Variants in CLEC4D observed in about 807,000 individuals in gnomAD.
The protein encoded by CLEC4D is C-type lectin domain family 4 member D, also known as C-type (calcium dependent, carbohydrate-recognition domain) lectin, superfamily member 8.
A neutral mutation model predicts 21.1 loss-of-function variants in CLEC4D; 21 were observed. The observed-to-expected ratio is 1.00, with a 90% CI of 0.71 to 1.43. The LOEUF is 1.43. Ranked by LOEUF, CLEC4D falls within the 40% of genes most tolerant of loss-of-function variation. The probability of loss-of-function intolerance (pLI) is 0.00; values close to 1 mark genes in which losing one functional copy is unlikely to be tolerated. For missense variants in CLEC4D, 289 were observed against 260.7 expected (o/e 1.11, Z -0.75); for synonymous variants, 85 against 83.1 (o/e 1.02, Z -0.12).
chr12:8,516,261 A>G (rs186676741), intron 2 of CLEC4D, among the ~76,000 whole-genome samples: 2 of 152,318 alleles, frequency 1.3e-5, no homozygotes, highest in East Asian at 3.9e-4. Context: ...AACATTGACA[A>G]ATTATACTAC....
chr12:8,520,399 A>G, intron 5 of CLEC4D, 58 bp downstream of exon 5: 1 of 1,575,400 alleles, frequency 6.3e-7, no homozygotes, highest in Non-Finnish European at 8.7e-7. Flanking sequence ...GATGGTAGCA[A>G]GAAACATTCA....
chr12:8,518,100 C>A, intron 2 of CLEC4D, 64 bp from the exon 3 acceptor site: 1 of 706,364 alleles, frequency 1.4e-6, no homozygotes, highest in Admixed American at 2.5e-5. Flanking sequence ...GGAAGGTCAG[C>A]CCCTATTTCC....
chr12:8,516,202 G>A (rs2136384658), intron 2 of CLEC4D, among the ~76,000 whole-genome samples: 1 of 152,220 alleles, frequency 6.6e-6, no homozygotes, highest in East Asian at 1.9e-4. Context: ...TCATGACCTG[G>A]AGGTAGAGAA....
rs2136388722 is a variant in CLEC4D at position 8,521,114 on chromosome 12, G to T, written c.501-10G>T. On this transcript the variant is annotated splice_polypyrimidine_tract_variant and intron_variant, in intron 5 of 5. Coordinates refer to ENST00000299665, the MANE Select transcript of CLEC4D (RefSeq NM_080387.5). ...CCTATAAATCTCTATCTATGTTGTT[G>T]TTCTTTCAGATTCTGGCATAAGAAT... The T allele has an allele frequency of 1.2e-6, 2 of 1,611,180 alleles. No individual in the cohort carries two copies. Among genetic ancestry groups the T allele is most frequent in the East Asian group, 2.2e-5 (1 of 44,802 alleles).
At chr12:8,530,990 G>A in the CLEC4D span, among the ~76,000 whole-genome samples, 5 of 152,182 alleles carry the variant, frequency 3.3e-5, no homozygotes, top group Non-Finnish European at 5.9e-5. Context: ...TGACCTGTGT[G>A]GACATCCACC....
downstream of CLEC4D, among the ~76,000 whole-genome samples, chr12:8,526,928 TC>T (rs2136392100): frequency 6.6e-6 from 1 of 152,332 alleles, no homozygotes; most frequent in South Asian, 2.1e-4. Context: ...TGGTTTTTTT[TC>T]TTTCAATGGT....
At position 8,520,235 on chromosome 12, in the gene CLEC4D, A is replaced by T. The variant is rs1397355115; in HGVS notation, c.394A>T (p.Ile132Phe). The change falls in exon 5 of 6, where the codon ATT becomes TTT. Residue 132 changes from isoleucine (I) to phenylalanine (F), a missense_variant. Transcript: ENST00000299665. ...ISTEAEQNFI[I>F]QFLDRRLSYF... ...TTACATTTTTATGCAGAACTTTATTATTCAGTTTCTGGATAGACGGCTTTC... is the reference window on the plus strand; with the variant it reads ...TTACATTTTTATGCAGAACTTTATTTTTCAGTTTCTGGATAGACGGCTTTC... 1.2e-6 allele frequency: 2 copies of T among 1,613,788 alleles called. No homozygotes were observed. Among genetic ancestry groups the T allele is most frequent in the South Asian group, 2.2e-5 (2 of 91,072 alleles).
Position 8,518,212 on chromosome 12 carries a change from A to T in CLEC4D, c.170A>T (p.Lys57Met). 2 of 1,452,844 alleles carry T rather than the reference A, an allele frequency of 1.4e-6. No homozygotes were observed. Among genetic ancestry groups the T allele is most frequent in the South Asian group, 1.1e-5 (1 of 87,570 alleles). The allele number at this position is 1,452,844 out of a possible 1,614,324, so 90.0% of individuals were successfully genotyped here. A position where few individuals can be genotyped will look rare whatever the true frequency, so the allele number is the denominator to read the frequency against. Residue 57 changes from lysine to methionine, a missense_variant, in exon 3 of 6, where the codon AAG becomes ATG. Lys to Met is a moderately conservative substitution (Grantham distance 95). Transcript: ENST00000299665. ...SRCKRGTGVH[K>M]LEHHAKLKCI... ...TGTAAGAGAGGCACAGGAGTGCACA[A>T]GTTAGAGCACCATGCAAAGCTCAAA...
intron 2 of CLEC4D, among the ~76,000 whole-genome samples, 200 bp downstream of exon 2, chr12:8,515,528 T>C (rs1445855936): frequency 6.6e-6 from 1 of 152,176 alleles, no homozygotes; most frequent in Admixed American, 6.5e-5. Context: ...TAGAGATTGA[T>C]TGATGGAATT....
At chr12:8,519,558 A>T (rs78798535) in intron 4 of CLEC4D, among the ~76,000 whole-genome samples, 2,105 of 152,238 alleles carry the variant, frequency 0.014, 50 homozygotes, top group African/African-American at 0.047. Context: ...TTGCGCTTCC[A>T]ATGTCCCGTG....
At chr12:8,518,413 A>G in intron 3 of CLEC4D, 139 bp downstream of exon 3, 2 of 557,690 alleles carry the variant, frequency 3.6e-6, no homozygotes, top group Non-Finnish European at 3.3e-6. Flanking sequence ...AAATAAGAAT[A>G]CCTTAAGATA....
chr12:8,519,970 T>C (rs2136387791), intron 4 of CLEC4D, among the ~76,000 whole-genome samples: 1 of 152,344 alleles, frequency 6.6e-6, no homozygotes, highest in African/African-American at 2.4e-5. Flanking sequence ...CTAAAAGGGT[T>C]GCAAGTCTGA....
intron 2 of CLEC4D, among the ~76,000 whole-genome samples, chr12:8,517,574 C>T (rs1449891118): frequency 1.3e-5 from 2 of 151,860 alleles, no homozygotes; most frequent in Non-Finnish European, 2.9e-5. Flanking sequence ...CACCAAAAAC[C>T]CCTATTCTAA....
At position 8,522,068 on chromosome 12, in the gene CLEC4D, G is replaced by T. The variant is rs1940465732; in HGVS notation, c.*797G>T. 1 of 152,098 alleles carries T rather than the reference G, an allele frequency of 6.6e-6. No homozygotes were observed. The highest frequency in any genetic ancestry group is 2.1e-4 in the South Asian group (1 of 4,838). The allele number at this position is 152,098 out of a possible 1,614,324, so 9.4% of individuals were successfully genotyped here. ...AACATACATTCCCTTTGGTATCACA[G>T]GAAGTTACTGGGGATTACTCGACCT... is the stretch of plus-strand genomic sequence containing the variant. On this transcript the variant is annotated 3_prime_UTR_variant, in exon 6 of 6. Transcript: ENST00000299665.
Position 8,513,694 on chromosome 12 carries a change from C to T in CLEC4D, c.-39C>T, listed in dbSNP as rs74368762. ...TGGGGGAAAAAAAATAGAACAAATTCTTGCCGTCCTGACCATTGAACAAGA... is the reference window on the plus strand; with the variant it reads ...TGGGGGAAAAAAAATAGAACAAATTTTTGCCGTCCTGACCATTGAACAAGA... On this transcript the variant is annotated 5_prime_UTR_variant, in exon 1 of 6. Coordinates refer to ENST00000299665, the MANE Select transcript of CLEC4D (RefSeq NM_080387.5). 2,972 of 943,616 alleles carry T rather than the reference C, an allele frequency of 3.1e-3. 53 individuals carry two copies. In the African/African-American group the frequency reaches 0.04, roughly 13 times the overall value. The allele number at this position is 943,616 out of a possible 1,614,324, so 58.5% of individuals were successfully genotyped here. A position where few individuals can be genotyped will look rare whatever the true frequency, so the allele number is the denominator to read the frequency against.
chr12:8,515,789 T>C (rs79325368), intron 2 of CLEC4D, among the ~76,000 whole-genome samples: 2 of 152,284 alleles, frequency 1.3e-5, no homozygotes, highest in East Asian at 3.9e-4. Flanking sequence ...AACCTGTACA[T>C]ATTTAATGTA....
chr12:8,515,396 C>A lies in CLEC4D; in HGVS notation c.121+68C>A. 4 of 845,528 alleles carry A rather than the reference C, an allele frequency of 4.7e-6. No homozygotes were observed. The South Asian group carries it at 5.4e-5, about 11-fold the overall frequency. 52.4% of individuals were successfully genotyped at this position (845,528 alleles called of 1,614,324 possible). ...TCCAAACAACTTTTCTGAAGTTGCT[C>A]TAAGCCTTTTGGTATCTTGATTTTT... On this transcript the variant is annotated intron_variant, in intron 2 of 5. Coordinates refer to ENST00000299665, the MANE Select transcript of CLEC4D (RefSeq NM_080387.5).
chr12:8,520,195 C>A, intron 4 of CLEC4D, 31 bp from the exon 5 acceptor site: 1 of 1,608,500 alleles, frequency 6.2e-7, no homozygotes, highest in South Asian at 1.1e-5. Flanking sequence ...CTGATTCATG[C>A]AACTATATTA....
downstream of CLEC4D, among the ~76,000 whole-genome samples, chr12:8,527,297 A>AG (rs1322532283): frequency 1.3e-5 from 2 of 152,176 alleles, no homozygotes; most frequent in Non-Finnish European, 2.9e-5. Flanking sequence ...CCAGGAGGAG[A>AG]GGCTAAGTCT....
Sources: allele counts gnomAD v4.1 joint callset (sites outside exome capture counted in the v4.1 genomes callset), GRCh38; gene constraint gnomAD v4.1.1; transcripts MANE v1.5; gene names NCBI Gene and HGNC (gene_info 2026-07-23, HGNC 2026-07-21).